The following CSTPP1 variants were observed in gnomAD, a reference collection of about 807,000 sequenced individuals.
The protein encoded by CSTPP1 is UPF0705 protein C11orf49.
chr11:47,011,910 A>G, the CSTPP1 span, among the ~76,000 whole-genome samples: 2 of 152,188 alleles, frequency 1.3e-5, no homozygotes, highest in African/African-American at 2.4e-5. Flanking sequence ...GGCCTACTGC[A>G]CCCTAGACAT....
chr11:47,113,238 CATT>C, the CSTPP1 span, among the ~76,000 whole-genome samples: 1 of 152,138 alleles, frequency 6.6e-6, no homozygotes, highest in Non-Finnish European at 1.5e-5. Flanking sequence ...TCCAGTCTAT[CATT>C]GTTGGACATT....
chr11:47,088,368 C>T, the CSTPP1 span, among the ~76,000 whole-genome samples: 2 of 152,006 alleles, frequency 1.3e-5, no homozygotes, highest in African/African-American at 2.4e-5. Flanking sequence ...ACTATGAAAC[C>T]GGTGTGGGTA....
the CSTPP1 span, among the ~76,000 whole-genome samples, chr11:47,130,468 T>C: frequency 7.2e-5 from 11 of 152,164 alleles, no homozygotes; most frequent in African/African-American, 2.2e-4. Flanking sequence ...CCTCCATTTA[T>C]AATATAAAAC....
chr11:46,962,826 C>T, the CSTPP1 span, among the ~76,000 whole-genome samples: 3 of 152,044 alleles, frequency 2.0e-5, no homozygotes, highest in Non-Finnish European at 4.4e-5. Flanking sequence ...TGATGGTGCT[C>T]ACCTGTAGTC....
At chr11:46,944,795 C>T in the CSTPP1 span, among the ~76,000 whole-genome samples, 2 of 152,164 alleles carry the variant, frequency 1.3e-5, no homozygotes, top group African/African-American at 2.4e-5. Flanking sequence ...CAGACTCCTC[C>T]GGCTTCCTTC....
the CSTPP1 span, chr11:46,936,754 C>A: frequency 6.2e-7 from 1 of 1,604,722 alleles, no homozygotes; most frequent in Non-Finnish European, 8.5e-7. Context: ...AGACGGCAAC[C>A]TGGGTTCCGG....
chr11:47,089,118 G>T, the CSTPP1 span, among the ~76,000 whole-genome samples: 1 of 152,082 alleles, frequency 6.6e-6, no homozygotes, highest in Non-Finnish European at 1.5e-5. Context: ...AGCAAAGATG[G>T]GGAAGACTTG....
the CSTPP1 span, among the ~76,000 whole-genome samples, chr11:46,942,340 GT>G: frequency 6.6e-6 from 1 of 152,208 alleles, no homozygotes; most frequent in Admixed American, 6.5e-5. Flanking sequence ...TGTGTATCTG[GT>G]TGGGTGTGGC....
chr11:47,097,436 C>T, the CSTPP1 span, among the ~76,000 whole-genome samples: 6 of 52,894 alleles, frequency 1.1e-4, no homozygotes, highest in Admixed American at 3.1e-4. Flanking sequence ...CCAGCCGCCC[C>T]GTCCGGGAGG....
chr11:47,159,876 T>C, the CSTPP1 span: 1 of 354,022 alleles, frequency 2.8e-6, no homozygotes, highest in Non-Finnish European at 5.6e-6. Context: ...TGGTGGCACA[T>C]GCCTGTAATT....
the CSTPP1 span, among the ~76,000 whole-genome samples, chr11:47,012,076 A>G: frequency 6.6e-6 from 1 of 151,752 alleles, no homozygotes; most frequent in Non-Finnish European, 1.5e-5. Flanking sequence ...GGAGTTCAAG[A>G]CCAACCTGGG....
At chr11:47,080,450 G>A in the CSTPP1 span, among the ~76,000 whole-genome samples, 250 of 152,010 alleles carry the variant, frequency 1.6e-3, no homozygotes, top group African/African-American at 5.7e-3. Flanking sequence ...GTGAAACTCC[G>A]TCTCAAAAAA....
At chr11:46,988,843 C>T in the CSTPP1 span, among the ~76,000 whole-genome samples, 1 of 152,104 alleles carries the variant, frequency 6.6e-6, no homozygotes, top group Admixed American at 6.5e-5. Flanking sequence ...AAAATATATA[C>T]ACCTACTATG....
chr11:47,149,002 G>A, the CSTPP1 span, among the ~76,000 whole-genome samples: 1 of 152,212 alleles, frequency 6.6e-6, no homozygotes, highest in African/African-American at 2.4e-5. Flanking sequence ...GGAAGCTGTT[G>A]CTTCCTTGGC....
At chr11:47,036,649 T>C in the CSTPP1 span, among the ~76,000 whole-genome samples, 1 of 125,510 alleles carries the variant, frequency 8.0e-6, no homozygotes, top group African/African-American at 2.5e-5. Context: ...ATTGAATCAG[T>C]GTGAGCTCAT....
At chr11:47,138,821 T>C in the CSTPP1 span, among the ~76,000 whole-genome samples, 58 of 151,690 alleles carry the variant, frequency 3.8e-4, no homozygotes, top group African/African-American at 1.4e-3. Flanking sequence ...CTACTAAAAA[T>C]ACAAAAAATT....
the CSTPP1 span, among the ~76,000 whole-genome samples, chr11:47,016,097 A>G: frequency 2.0e-5 from 3 of 152,178 alleles, no homozygotes; most frequent in African/African-American, 4.8e-5. Context: ...AGCCTGGGCA[A>G]TAGAGCCAGA....
the CSTPP1 span, chr11:47,160,915 G>A: frequency 4.9e-6 from 3 of 609,242 alleles, no homozygotes; most frequent in Non-Finnish European, 8.5e-6. Context: ...GGCAGGGAAA[G>A]TAGGCAGTGG....
the CSTPP1 span, among the ~76,000 whole-genome samples, chr11:47,095,581 A>C: frequency 0.088 from 13,341 of 152,138 alleles, 1,947 homozygotes; most frequent in African/African-American, 0.3. Context: ...TGAGTCATAC[A>C]GAATTTTTTA....
Sources: gnomAD v4.1 joint callset for allele counts (sites outside exome capture counted in the v4.1 genomes callset) on GRCh38, gnomAD v4.1.1 for gene constraint, MANE v1.5 for transcripts, NCBI Gene and HGNC (gene_info 2026-07-23, HGNC 2026-07-21) for gene names.